Variants in PKN2 observed in about 807,000 individuals in gnomAD.
The protein encoded by PKN2 is protein kinase N2.
In PKN2, 38 loss-of-function variants were observed where a neutral mutation model predicts 119.1. The observed-to-expected ratio is 0.32, with a 90% CI of 0.25 to 0.42. PKN2 has a LOEUF of 0.42. PKN2 is among the 10% of genes least tolerant of loss of function. The pLI is 1.00. For missense variants in PKN2, 850 were observed against 1,165.1 expected (o/e 0.73, Z 3.94); for synonymous variants, 390 against 384.9 (o/e 1.01, Z -0.15).
At chr1:88,822,784 G>A (rs1190361536) in intron 17 of PKN2, among the ~76,000 whole-genome samples, 1 of 151,972 alleles carries the variant, frequency 6.6e-6, no homozygotes. Context: ...TCACCATGTT[G>A]GCCAGGCTGG....
intron 8 of PKN2, among the ~76,000 whole-genome samples, chr1:88,793,556 T>A (rs181346528): frequency 6.6e-6 from 1 of 152,320 alleles, no homozygotes; most frequent in East Asian, 1.9e-4. Context: ...TCATTAAGGA[T>A]GACTTTTATT....
At chr1:88,823,703 TAAAAAAAAA>T (rs61234342) in intron 17 of PKN2, among the ~76,000 whole-genome samples, 1 of 65,794 alleles carries the variant, frequency 1.5e-5, no homozygotes, top group Non-Finnish European at 3.0e-5. Flanking sequence ...GACTCTGTCT[TAAAAAAAAA>T]AAAAAAAAAA....
intron 8 of PKN2, among the ~76,000 whole-genome samples, chr1:88,793,423 C>G (rs1670929170): frequency 6.6e-6 from 1 of 152,124 alleles, no homozygotes; most frequent in Non-Finnish European, 1.5e-5. Flanking sequence ...GAAAAAAAAT[C>G]CACGTATAAG....
At chr1:88,819,666 A>G (rs1672162967) in intron 16 of PKN2, among the ~76,000 whole-genome samples, 1 of 152,226 alleles carries the variant, frequency 6.6e-6, no homozygotes, top group Non-Finnish European at 1.5e-5. Flanking sequence ...ATTACTGGGT[A>G]TATACCCAAA....
At chr1:88,702,090 C>T (rs1204892842) in intron 1 of PKN2, among the ~76,000 whole-genome samples, 1 of 152,166 alleles carries the variant, frequency 6.6e-6, no homozygotes, top group African/African-American at 2.4e-5. Context: ...TCCCGAGTAG[C>T]TGGGAATACA....
chr1:88,824,164 A>G (rs1672406685), intron 17 of PKN2, 146 bp from the exon 18 acceptor site: 1 of 554,512 alleles, frequency 1.8e-6, no homozygotes. Context: ...TTTGTGTTAT[A>G]GTATTTAAAT....
intron 15 of PKN2, among the ~76,000 whole-genome samples, chr1:88,811,874 A>G (rs1033959690): frequency 1.2e-4 from 18 of 152,088 alleles, no homozygotes; most frequent in Non-Finnish European, 2.2e-4. Context: ...TGACCCCTTT[A>G]TTTGATTCCT....
intron 19 of PKN2, among the ~76,000 whole-genome samples, chr1:88,829,575 G>C (rs1043434225): frequency 1.3e-5 from 2 of 152,158 alleles, no homozygotes; most frequent in African/African-American, 4.8e-5. Context: ...AGGAAACAGT[G>C]AGTTATGTTA....
At chr1:88,749,889 G>A (rs1214766220) in intron 2 of PKN2, among the ~76,000 whole-genome samples, 2 of 152,180 alleles carry the variant, frequency 1.3e-5, no homozygotes, top group Non-Finnish European at 2.9e-5. Context: ...GCAGTAAACA[G>A]TGTTTCTTAA....
chr1:88,687,011 T>C (rs948276841), intron 1 of PKN2, among the ~76,000 whole-genome samples: 8 of 152,128 alleles, frequency 5.3e-5, no homozygotes, highest in Admixed American at 3.9e-4. Context: ...GGAATACTTG[T>C]TTACTCTGAA....
chr1:88,712,813 A>G (rs896949893), intron 1 of PKN2, among the ~76,000 whole-genome samples: 1 of 152,166 alleles, frequency 6.6e-6, no homozygotes, highest in Admixed American at 6.5e-5. Flanking sequence ...TCTAGGGTAC[A>G]TGTGCACAAC....
At chr1:88,823,545 T>TA (rs762281191) in intron 17 of PKN2, among the ~76,000 whole-genome samples, 4 of 147,486 alleles carry the variant, frequency 2.7e-5, no homozygotes, top group East Asian at 2.0e-4. Context: ...CTACTGCAAA[T>TA]AAAAAAAAAT....
intron 1 of PKN2, among the ~76,000 whole-genome samples, chr1:88,714,671 G>A (rs1469386057): frequency 6.6e-6 from 1 of 152,084 alleles, no homozygotes; most frequent in African/African-American, 2.4e-5. Context: ...GGAGATTTGG[G>A]GCTGAGACGA....
intron 6 of PKN2, among the ~76,000 whole-genome samples, chr1:88,777,716 A>C (rs1354366528): frequency 6.6e-6 from 1 of 152,204 alleles, no homozygotes; most frequent in East Asian, 1.9e-4. Context: ...GGCATTCTAA[A>C]GTAAACCTGA....
At chr1:88,726,146 G>A (rs1667889318) in intron 1 of PKN2, among the ~76,000 whole-genome samples, 1 of 152,086 alleles carries the variant, frequency 6.6e-6, no homozygotes, top group Admixed American at 6.6e-5. Flanking sequence ...TGCTAATAGG[G>A]GGAGTTTTAT....
chr1:88,753,964 T>C (rs1430508896), intron 2 of PKN2, among the ~76,000 whole-genome samples: 1 of 152,190 alleles, frequency 6.6e-6, no homozygotes, highest in Admixed American at 6.5e-5. Context: ...TGCTGAAAAC[T>C]GCCATAAATT....
At chr1:88,725,601 T>G (rs1438876292) in intron 1 of PKN2, among the ~76,000 whole-genome samples, 1 of 152,210 alleles carries the variant, frequency 6.6e-6, no homozygotes, top group East Asian at 1.9e-4. Context: ...GTTTCATTAC[T>G]GTTGAGTATA....
intron 1 of PKN2, among the ~76,000 whole-genome samples, chr1:88,710,750 A>G (rs1230985614): frequency 6.6e-6 from 1 of 152,260 alleles, no homozygotes; most frequent in African/African-American, 2.4e-5. Flanking sequence ...GCAATTCTTC[A>G]AAGACCTAAA....
chr1:88,816,676 T>G (rs1672009084), intron 16 of PKN2: 2 of 152,346 alleles, frequency 1.3e-5, no homozygotes, highest in South Asian at 4.1e-4. Flanking sequence ...TTATTTTTGT[T>G]TTTTATTTCT....
Sources: allele counts gnomAD v4.1 joint callset (sites outside exome capture counted in the v4.1 genomes callset), GRCh38; gene constraint gnomAD v4.1.1; transcripts MANE v1.5; gene names NCBI Gene and HGNC (gene_info 2026-07-23, HGNC 2026-07-21).